Variants in ABCA13 observed in about 807,000 individuals in gnomAD.
The protein encoded by ABCA13 is ATP binding cassette subfamily A member 13.
ABCA13 carries 476 observed loss-of-function variants against 478.7 expected under a neutral mutation model. The observed-to-expected ratio is 0.99, with a 90% CI of 0.92 to 1.07. ABCA13 has a LOEUF of 1.07. ABCA13 is among the 50% of genes least tolerant of loss of function. The pLI is 0.00. For synonymous variants in ABCA13, 2,252 were observed against 2,158.9 expected (o/e 1.04, Z -1.20); for missense variants, 6,060 against 5,910.6 (o/e 1.03, Z -0.83).
chr7:48,537,723 G>A (rs1833677169), intron 55 of ABCA13, among the ~76,000 whole-genome samples: 1 of 152,146 alleles, frequency 6.6e-6, no homozygotes, highest in Admixed American at 6.6e-5. Flanking sequence ...GTGACCAAGG[G>A]TGACTCAGGT....
At chr7:48,513,191 C>T (rs554955282) in intron 51 of ABCA13, among the ~76,000 whole-genome samples, 73 of 152,244 alleles carry the variant, frequency 4.8e-4, no homozygotes, top group African/African-American at 1.7e-3. Flanking sequence ...GTACACGGAG[C>T]CCAAGGGCAA....
chr7:48,591,196 A>G (rs1918591), intron 57 of ABCA13, among the ~76,000 whole-genome samples: 3,315 of 151,822 alleles, frequency 0.022, 124 homozygotes, highest in African/African-American at 0.075. Context: ...TTGTATGTAG[A>G]TATTCAGTTT....
chr7:48,327,933 C>G (rs567524287), intron 27 of ABCA13, among the ~76,000 whole-genome samples: 36 of 152,310 alleles, frequency 2.4e-4, no homozygotes, highest in African/African-American at 8.2e-4. Flanking sequence ...AGATGGGAAA[C>G]AGCTTGGCCA....
intron 31 of ABCA13, among the ~76,000 whole-genome samples, 174 bp from the exon 32 acceptor site, chr7:48,367,620 T>C (rs1526093): frequency 0.24 from 36,886 of 151,980 alleles, 5,032 homozygotes; most frequent in African/African-American, 0.37. Context: ...TGAATTTGCA[T>C]ACCTACAAAA....
chr7:48,618,332 G>A (rs1281086628), intron 59 of ABCA13, among the ~76,000 whole-genome samples: 4 of 152,138 alleles, frequency 2.6e-5, no homozygotes, highest in Admixed American at 6.5e-5. Context: ...AAGGGTTTCC[G>A]CAGAGGACAC....
chr7:48,208,905 T>TA (rs1449764915), intron 3 of ABCA13, among the ~76,000 whole-genome samples: 1 of 152,174 alleles, frequency 6.6e-6, no homozygotes, highest in Non-Finnish European at 1.5e-5. Flanking sequence ...GGTCTTCAGT[T>TA]TTCCCCTGTT....
chr7:48,424,677 T>G (rs572115522), intron 41 of ABCA13, among the ~76,000 whole-genome samples: 2 of 152,344 alleles, frequency 1.3e-5, no homozygotes, highest in South Asian at 4.1e-4. Flanking sequence ...TTTTCTTTCA[T>G]TAAATCCCTG....
intron 55 of ABCA13, among the ~76,000 whole-genome samples, chr7:48,543,428 A>G (rs1303223366): frequency 6.6e-6 from 1 of 151,720 alleles, no homozygotes; most frequent in Non-Finnish European, 1.5e-5. Context: ...GTTCGAGACC[A>G]GCCTGGCCAG....
chr7:48,183,420 G>A (rs36175194), intron 1 of ABCA13, among the ~76,000 whole-genome samples: 80,573 of 152,062 alleles, frequency 0.53, 21,653 homozygotes, highest in Admixed American at 0.63. Context: ...GCACAAAATA[G>A]TAATCTTTAT....
chr7:48,584,390 G>T (rs1407141298), intron 56 of ABCA13, among the ~76,000 whole-genome samples: 1 of 152,178 alleles, frequency 6.6e-6, no homozygotes, highest in East Asian at 1.9e-4. Flanking sequence ...AAGTAAAATT[G>T]ATTTTCTGCC....
At chr7:48,354,195 TCTC>T (rs1480495830) in intron 31 of ABCA13, among the ~76,000 whole-genome samples, 1 of 151,984 alleles carries the variant, frequency 6.6e-6, no homozygotes, top group Non-Finnish European at 1.5e-5. Context: ...ATTCTGACAA[TCTC>T]CTTCTAGCTC....
chr7:48,505,613 A>C (rs1831136734), intron 48 of ABCA13, among the ~76,000 whole-genome samples: 1 of 152,180 alleles, frequency 6.6e-6, no homozygotes, highest in South Asian at 2.1e-4. Context: ...TGACACAACC[A>C]ATTAGGCAAA....
At chr7:48,335,006 A>T (rs772841953) in intron 27 of ABCA13, among the ~76,000 whole-genome samples, 3 of 152,242 alleles carry the variant, frequency 2.0e-5, no homozygotes, top group Non-Finnish European at 2.9e-5. Context: ...CTCTGCCAGT[A>T]GCAATAAATG....
At chr7:48,389,953 G>A (rs2092219337) in intron 37 of ABCA13, among the ~76,000 whole-genome samples, 1 of 152,128 alleles carries the variant, frequency 6.6e-6, no homozygotes, top group African/African-American at 2.4e-5. Context: ...AATAAGAAAG[G>A]TAGAAAAATA....
chr7:48,501,584 C>T (rs1264572150), intron 48 of ABCA13, among the ~76,000 whole-genome samples: 2 of 152,158 alleles, frequency 1.3e-5, no homozygotes, highest in Non-Finnish European at 2.9e-5. Flanking sequence ...GAGGCAGCCA[C>T]TGTAGTTTGT....
intron 1 of ABCA13, among the ~76,000 whole-genome samples, chr7:48,171,787 A>G (rs1485431202): frequency 6.6e-6 from 1 of 152,256 alleles, no homozygotes; most frequent in African/African-American, 2.4e-5. Context: ...GGGCAAATTT[A>G]GAAAAATTCT....
chr7:48,400,465 T>C (rs554708637), intron 38 of ABCA13, among the ~76,000 whole-genome samples: 2 of 152,240 alleles, frequency 1.3e-5, no homozygotes, highest in Non-Finnish European at 2.9e-5. Flanking sequence ...GATTATCCTG[T>C]CCTTTTGAGA....
At chr7:48,267,468 G>A (rs985647273) in intron 15 of ABCA13, among the ~76,000 whole-genome samples, 13 of 152,050 alleles carry the variant, frequency 8.5e-5, no homozygotes, top group East Asian at 3.9e-4. Context: ...TAGTGTTAGA[G>A]TGGTATGCCT....
chr7:48,352,160 T>G (rs1809116208), intron 30 of ABCA13, 21 bp from the exon 31 acceptor site: 1 of 1,588,120 alleles, frequency 6.3e-7, no homozygotes, highest in African/African-American at 1.4e-5. Flanking sequence ...TAATGCTTCG[T>G]TTTTCCTTTT....
Sources: allele counts gnomAD v4.1 joint callset (sites outside exome capture counted in the v4.1 genomes callset), GRCh38; gene constraint gnomAD v4.1.1; transcripts MANE v1.5; gene names NCBI Gene and HGNC (gene_info 2026-07-23, HGNC 2026-07-21).